Variants in WDR11 observed in about 807,000 individuals in gnomAD.
WDR11 encodes WD repeat domain 11, also known as WD repeat-containing protein 11.
Under a neutral mutation model 151.2 loss-of-function variants are expected in WDR11, and 83 were observed. The observed-to-expected ratio is 0.55, with a 90% CI of 0.46 to 0.66. The LOEUF (loss-of-function observed/expected upper bound fraction) is 0.66, where lower values mean the gene tolerates loss of function less well. Ranked by LOEUF, WDR11 falls within the 30% of genes least tolerant of loss-of-function variation. WDR11 has a pLI of 0.00. For missense variants in WDR11, 1,301 were observed against 1,480.9 expected (o/e 0.88, Z 1.99); for synonymous variants, 484 against 533.1 (o/e 0.91, Z 1.27).
chr10:120,872,975 C>T (rs1846601072), intron 10 of WDR11, among the ~76,000 whole-genome samples: 1 of 152,040 alleles, frequency 6.6e-6, no homozygotes, highest in Non-Finnish European at 1.5e-5. Context: ...AGTGATTGTC[C>T]ATATAGACTG....
intron 19 of WDR11, among the ~76,000 whole-genome samples, chr10:120,898,824 C>T (rs1330378526): frequency 7.2e-6 from 1 of 139,626 alleles, no homozygotes; most frequent in African/African-American, 2.7e-5. Context: ...AACCTCTTCT[C>T]TTTATAAATT....
rs752910354 is a variant in WDR11, at chr10:120,904,664, T to C, written c.3046T>C (p.Leu1016=). Residue 1016 remains leucine, a synonymous_variant, in exon 25 of 29, where the codon TTG becomes CTG. Transcript: ENST00000263461. ...LLGQTDRAVQ[L]LLETSADNQH... ...TTACTAGACAGACAGAGCTGTGCAGTTGCTGTTGGAAACAAGTGCAGATAA... is the reference window on the plus strand; with the variant it reads ...TTACTAGACAGACAGAGCTGTGCAGCTGCTGTTGGAAACAAGTGCAGATAA... The C allele has an allele frequency of 6.8e-6, 11 of 1,614,096 alleles. No homozygotes were observed. In the African/African-American group the frequency reaches 8.0e-5, roughly 12 times the overall value.
chr10:120,881,139 G>A (rs778391666), intron 13 of WDR11, among the ~76,000 whole-genome samples: 3 of 152,002 alleles, frequency 2.0e-5, no homozygotes, highest in African/African-American at 7.2e-5. Context: ...ATTTACTTTC[G>A]GATAAAGTTC....
intron 26 of WDR11, chr10:120,905,670 A>G: frequency 1.1e-6 from 1 of 929,994 alleles, no homozygotes; most frequent in East Asian, 2.6e-5. Flanking sequence ...AGCCGAAACT[A>G]CAGTCCAGAG....
chr10:120,886,806 A>G lies in WDR11; in HGVS notation c.2091A>G (p.Ser697=), dbSNP rs1366987677. ...ATCATCTCACTGTTGAAGGAAACTC[A>G]GTAAAAGACAGTGCTCGGATTCCAC... ...QVYHLTVEGN[S]VKDSARIPPD... is the part of the protein sequence containing the mutation. The change falls in exon 16 of 29, where the codon TCA becomes TCG. Residue 697 remains serine, a synonymous_variant. Coordinates refer to ENST00000263461, the MANE Select transcript of WDR11 (RefSeq NM_018117.12). The G allele has an allele frequency of 1.9e-6, 3 of 1,613,984 alleles. No homozygotes were observed. In the East Asian group the frequency reaches 6.7e-5, roughly 36 times the overall value.
intron 5 of WDR11, among the ~76,000 whole-genome samples, chr10:120,864,644 CT>C (rs1221709885): frequency 3.9e-5 from 6 of 152,142 alleles, no homozygotes. Context: ...CCTAATTACC[CT>C]AAATGTTGAT....
chr10:120,880,171 C>G (rs866923236), intron 12 of WDR11: 4 of 152,154 alleles, frequency 2.6e-5, no homozygotes, highest in Non-Finnish European at 5.9e-5. Context: ...TCGCACCAGA[C>G]AATTGCTGTA....
chr10:120,892,792 T>G (rs1256004163), intron 19 of WDR11, among the ~76,000 whole-genome samples: 1 of 152,162 alleles, frequency 6.6e-6, no homozygotes, highest in African/African-American at 2.4e-5. Flanking sequence ...TTCCTGTTTT[T>G]GAGTTGGAGA....
At chr10:120,893,994 T>C (rs565758772) in intron 19 of WDR11, among the ~76,000 whole-genome samples, 1 of 152,192 alleles carries the variant, frequency 6.6e-6, no homozygotes, top group Admixed American at 6.5e-5. Context: ...TAGTTTCTTT[T>C]GCTGTGCAGA....
chr10:120,877,078 GA>G (rs1846820116), intron 11 of WDR11, among the ~76,000 whole-genome samples: 1 of 152,190 alleles, frequency 6.6e-6, no homozygotes, highest in Non-Finnish European at 1.5e-5. Flanking sequence ...TTCAAACACA[GA>G]AAGTTTTAAT....
chr10:120,877,268 T>C (rs1463280806), intron 11 of WDR11, among the ~76,000 whole-genome samples: 1 of 152,164 alleles, frequency 6.6e-6, no homozygotes, highest in Non-Finnish European at 1.5e-5. Flanking sequence ...ATACTACTTA[T>C]CAGATAAATG....
At chr10:120,893,728 C>A (rs1311890052) in intron 19 of WDR11, among the ~76,000 whole-genome samples, 1 of 152,080 alleles carries the variant, frequency 6.6e-6, no homozygotes, top group Non-Finnish European at 1.5e-5. Context: ...GAGATGGTAT[C>A]TCACTGTGGT....
chr10:120,852,384 A>C lies in WDR11; in HGVS notation c.87-140A>C, dbSNP rs372016982. 5.5e-5 allele frequency: 39 copies of C among 711,054 alleles called. 1 individual carries two copies. The African/African-American group carries it at 6.2e-4, about 11-fold the overall frequency. 44.0% of individuals were successfully genotyped at this position (711,054 alleles called of 1,614,324 possible). On this transcript the variant is annotated intron_variant, in intron 1 of 28. Coordinates refer to ENST00000263461, the MANE Select transcript of WDR11 (RefSeq NM_018117.12). ...GATCTTTTATTTAAGTGGGATAATG[A>C]TAAATACTGGCCTTTGGGTTTAAAT...
chr10:120,851,753 C>G (rs1190994976), intron 1 of WDR11: 8 of 587,126 alleles, frequency 1.4e-5, no homozygotes, highest in African/African-American at 1.9e-5. Context: ...GCTGTTTTCT[C>G]TGCACCTCGC....
At position 120,908,738 on chromosome 10, in the gene WDR11, T is replaced by C; in HGVS notation, c.*25T>C. ...ACAGCTTAATAAATGCCAGGGAATC[T>C]GACCTGGAAGGCAGATGGGAGGGGG... On this transcript the variant is annotated 3_prime_UTR_variant, in exon 29 of 29. Coordinates refer to ENST00000263461, the MANE Select transcript of WDR11 (RefSeq NM_018117.12). The C allele has an allele frequency of 1.2e-6, 2 of 1,613,446 alleles. No individual in the cohort carries two copies. The highest frequency in any genetic ancestry group is 4.5e-5 in the East Asian group (2 of 44,874).
intron 16 of WDR11, among the ~76,000 whole-genome samples, chr10:120,887,125 A>G (rs1847249246): frequency 6.6e-6 from 1 of 152,150 alleles, no homozygotes. Flanking sequence ...AACTTTCCCA[A>G]AGTTATCCAG....
chr10:120,896,887 T>C (rs1386111633), intron 19 of WDR11, among the ~76,000 whole-genome samples: 5 of 152,204 alleles, frequency 3.3e-5, no homozygotes, highest in African/African-American at 1.2e-4. Context: ...TTTCTTGCAA[T>C]GACACTCAAT....
Position 120,906,027 on chromosome 10 carries a change from CCG to C in WDR11, c.3437+7_3437+8del. The C allele has an allele frequency of 6.2e-7, 1 of 1,613,372 alleles. No homozygotes were observed. Among genetic ancestry groups the C allele is most frequent in the Non-Finnish European group, 8.5e-7 (1 of 1,180,040 alleles). The stretch of plus-strand genomic sequence containing the variant: ...GTGGCAGAGACGCTTCACAGGTAAA[CCG>C]AGAGTTCACATGGGCTGCTCAGGCC... On this transcript the variant is annotated splice_region_variant and intron_variant, in intron 27 of 28. Coordinates refer to ENST00000263461, the MANE Select transcript of WDR11 (RefSeq NM_018117.12).
Position 120,858,811 on chromosome 10 carries a change from C to T in WDR11, c.352+15C>T. 1 of 1,614,104 alleles carries T rather than the reference C, an allele frequency of 6.2e-7. No homozygotes were observed. Among genetic ancestry groups the T allele is most frequent in the East Asian group, 2.2e-5 (1 of 44,874 alleles). On this transcript the variant is annotated intron_variant, in intron 3 of 28. Transcript: ENST00000263461. ...GCCTATCCAGGGTGAGGAAAGTCTG[C>T]TCAGCTAAGTGTGTATATTGATACA...
Sources: allele counts gnomAD v4.1 joint callset (sites outside exome capture counted in the v4.1 genomes callset), GRCh38; gene constraint gnomAD v4.1.1; transcripts MANE v1.5; gene names NCBI Gene and HGNC (gene_info 2026-07-23, HGNC 2026-07-21).